The following PRKN variants were observed in gnomAD, a reference collection of about 807,000 sequenced individuals.
PRKN encodes the protein E3 ubiquitin-protein ligase parkin.
PRKN carries 56 observed loss-of-function variants against 59.5 expected under a neutral mutation model. The ratio of observed to expected loss-of-function variants is 0.94; its 90% confidence interval spans 0.76 to 1.18. The LOEUF (loss-of-function observed/expected upper bound fraction) is 1.18. Ranked by LOEUF, PRKN falls within the 50% of genes most tolerant of loss-of-function variation. The pLI is 0.00. For synonymous variants in PRKN, 250 were observed against 222.1 expected (o/e 1.13, Z -1.12); for missense variants, 657 against 596.4 (o/e 1.10, Z -1.06).
At chr6:162,661,286 G>A (rs1778869240) in intron 1 of PRKN, among the ~76,000 whole-genome samples, 2 of 152,030 alleles carry the variant, frequency 1.3e-5, no homozygotes, top group Admixed American at 6.6e-5. Flanking sequence ...AGGGGTCAGG[G>A]AGCAATTGGC....
chr6:162,574,342 G>T (rs1012132346), intron 1 of PRKN, among the ~76,000 whole-genome samples: 5 of 151,798 alleles, frequency 3.3e-5, no homozygotes, highest in Non-Finnish European at 7.4e-5. Context: ...TTTGCTTCAA[G>T]GTTACATCTT....
At chr6:162,081,516 T>C (rs1313267333) in intron 4 of PRKN, among the ~76,000 whole-genome samples, 1 of 152,104 alleles carries the variant, frequency 6.6e-6, no homozygotes, top group Non-Finnish European at 1.5e-5. Flanking sequence ...GAATGTTTTT[T>C]CCCGAGCAGT....
intron 1 of PRKN, among the ~76,000 whole-genome samples, chr6:162,446,176 C>A (rs1218170514): frequency 4.6e-5 from 7 of 152,076 alleles, no homozygotes. Context: ...AGATCAGAGA[C>A]CATAAGACAA....
At chr6:162,023,080 T>G (rs1244449070) in intron 5 of PRKN, among the ~76,000 whole-genome samples, 1 of 151,882 alleles carries the variant, frequency 6.6e-6, no homozygotes, top group Non-Finnish European at 1.5e-5. Flanking sequence ...GGGCATGCGG[T>G]GGGGGTGTGG....
chr6:162,389,561 G>A (rs540033177), intron 2 of PRKN, among the ~76,000 whole-genome samples: 6 of 152,138 alleles, frequency 3.9e-5, no homozygotes, highest in African/African-American at 9.7e-5. Context: ...AAAGGTGTCC[G>A]ATGATTCATT....
chr6:161,403,462 C>T (rs1051809907), intron 9 of PRKN, among the ~76,000 whole-genome samples: 7 of 152,200 alleles, frequency 4.6e-5, no homozygotes, highest in Admixed American at 2.0e-4. Flanking sequence ...TGTGGAGAAA[C>T]GGAAAAACGC....
rs1342553152 is a variant in PRKN, at chr6:161,525,452, T to C, written c.1083+23402A>G. 1.3e-5 allele frequency among the ~76,000 whole-genome samples: 2 copies of C among 152,256 alleles called. No individual in the cohort carries two copies. The highest frequency in any genetic ancestry group is 6.5e-5 in the Admixed American group (1 of 15,294). On this transcript the variant is annotated intron_variant, in intron 9 of 11. Transcript: ENST00000366898. The surrounding 1 kb of genome is among the most constrained non-coding windows in gnomAD (Gnocchi z 4.7). ...CTTGCTTTCAGCTTTGCCCTCTAAA[T>C]ACTGGAATAAAAGGGCCAACAGGTC...
chr6:162,129,441 T>C (rs1781254060), intron 4 of PRKN, among the ~76,000 whole-genome samples: 1 of 152,150 alleles, frequency 6.6e-6, no homozygotes, highest in African/African-American at 2.4e-5. Context: ...GCAGAACTAA[T>C]ATGGCCAGAA....
At chr6:161,375,856 C>T (rs552939233) in intron 10 of PRKN, among the ~76,000 whole-genome samples, 9 of 152,324 alleles carry the variant, frequency 5.9e-5, no homozygotes, top group Non-Finnish European at 1.0e-4. Flanking sequence ...CTGTCGCAGC[C>T]GTTCCATCCC....
intron 6 of PRKN, among the ~76,000 whole-genome samples, chr6:161,876,982 G>A (rs1794754067): frequency 1.3e-5 from 2 of 152,084 alleles, no homozygotes; most frequent in African/African-American, 2.4e-5. Context: ...TTCTTGACTA[G>A]AACTGCTCAT....
Position 161,377,055 on chromosome 6 carries a change from C to T in PRKN, c.1167+9739G>A, listed in dbSNP as rs116610801. Among the ~76,000 whole-genome samples, 1,999 of 152,318 alleles carry T rather than the reference C, an allele frequency of 0.013. 40 individuals are homozygous for T. Among genetic ancestry groups the T allele is most frequent in the African/African-American group, 0.046 (1,917 of 41,574 alleles). On this transcript the variant is annotated intron_variant, in intron 10 of 11. Coordinates refer to ENST00000366898, the MANE Select transcript of PRKN (RefSeq NM_004562.3). The surrounding 1 kb of genome is among the most constrained non-coding windows in gnomAD (Gnocchi z 4.2). ...GCGGCATGCAAGCGCCCTGTCTCTG[C>T]GGCTGTGCACGCAGGCAGACCCTGT... is the stretch of plus-strand genomic sequence containing the variant.
intron 1 of PRKN, among the ~76,000 whole-genome samples, chr6:162,502,259 C>T (rs1316881639): frequency 6.6e-6 from 1 of 152,152 alleles, no homozygotes; most frequent in Non-Finnish European, 1.5e-5. Context: ...CTTTTGGGCT[C>T]AAGCGACCCT....
intron 5 of PRKN, among the ~76,000 whole-genome samples, chr6:162,012,238 G>T (rs534751290): frequency 6.6e-6 from 1 of 152,136 alleles, no homozygotes; most frequent in African/African-American, 2.4e-5. Flanking sequence ...TGCAAAAATT[G>T]TACAAAGAAC....
rs1785456974 is a variant in PRKN, at chr6:161,371,855, T to A, written c.1168-11650A>T. ...GATTTCATCACTTTGGCCAGGCTGA[T>A]CTCGAATTCTTGACCTCAGGTGATC... On this transcript the variant is annotated intron_variant, in intron 10 of 11. Coordinates refer to ENST00000366898, the MANE Select transcript of PRKN (RefSeq NM_004562.3). This position sits in a 1 kb window ranked among gnomAD's most constrained non-coding sequence, Gnocchi z 5.5. 6.6e-6 allele frequency among the ~76,000 whole-genome samples: 1 copy of A among 152,078 alleles called. No homozygotes were observed. The highest frequency in any genetic ancestry group is 2.1e-4 in the South Asian group (1 of 4,830).
At chr6:162,369,985 G>C (rs1436028148) in intron 2 of PRKN, among the ~76,000 whole-genome samples, 2 of 152,136 alleles carry the variant, frequency 1.3e-5, no homozygotes, top group Non-Finnish European at 2.9e-5. Flanking sequence ...CCCTGTACTT[G>C]TCATCAAGAA....
intron 1 of PRKN, among the ~76,000 whole-genome samples, chr6:162,654,131 A>C (rs1778551845): frequency 6.6e-6 from 1 of 152,188 alleles, no homozygotes; most frequent in Non-Finnish European, 1.5e-5. Context: ...AGAAGTGTCG[A>C]AAGTTAAGAG....
At position 161,352,753 on chromosome 6, in the gene PRKN, G is replaced by GTATATATATA. The variant is rs1378501005; in HGVS notation, c.1286-2543_1286-2542insTATATATATA. Among the ~76,000 whole-genome samples the GTATATATATA allele has an allele frequency of 1.9e-4, 23 of 118,114 alleles. No individual in the cohort carries two copies. The highest frequency in any genetic ancestry group is 8.2e-4 in the African/African-American group (22 of 26,720). The allele number at this position is 118,114 out of a possible 152,430, so 77.5% of individuals were successfully genotyped here. On this transcript the variant is annotated intron_variant, in intron 11 of 11. Transcript: ENST00000366898. The surrounding 1 kb of genome is among the most constrained non-coding windows in gnomAD (Gnocchi z 5.8). ...TGTGTGTGTGTGTGTGTGTGTGTGT[G>GTATATATATA]TGTATATATATATATATATTTTATT...
intron 3 of PRKN, among the ~76,000 whole-genome samples, chr6:162,206,357 C>G (rs1784938400): frequency 6.6e-6 from 1 of 152,160 alleles, no homozygotes; most frequent in African/African-American, 2.4e-5. Context: ...GTCTCATCCT[C>G]TTCGAACAGC....
intron 4 of PRKN, among the ~76,000 whole-genome samples, chr6:162,124,999 A>G (rs1307092151): frequency 1.3e-5 from 2 of 152,182 alleles, no homozygotes; most frequent in African/African-American, 4.8e-5. Flanking sequence ...CAGTGGTGCC[A>G]AATGCTTGCA....
Sources: gnomAD v4.1 joint callset for allele counts (sites outside exome capture counted in the v4.1 genomes callset) on GRCh38, gnomAD v4.1.1 for gene constraint, Gnocchi (gnomAD v3.1) non-coding constraint, MANE v1.5 for transcripts, NCBI Gene and HGNC (gene_info 2026-07-23, HGNC 2026-07-21) for gene names.